GALK1: variants seen among roughly 807,000 people sequenced by gnomAD.
The protein encoded by GALK1 is galactokinase 1.
Under a neutral mutation model 38.6 loss-of-function variants are expected in GALK1, and 30 were observed. The observed-to-expected ratio is 0.78, with a 90% CI of 0.58 to 1.05. The LOEUF (loss-of-function observed/expected upper bound fraction) is 1.05, where lower values mean the gene tolerates loss of function less well. Among genes scored for constraint, GALK1 ranks in the 50% least tolerant of loss-of-function variants. The probability of loss-of-function intolerance (pLI) is 0.00; values close to 1 mark genes in which losing one functional copy is unlikely to be tolerated. For synonymous variants in GALK1, 240 were observed against 233.6 expected, an observed-to-expected ratio of 1.03 and a Z score of -0.25; for missense variants, 512 against 540.5, an observed-to-expected ratio of 0.95 and a Z score of 0.52.
intron 8 of GALK1, chr17:75,752,250 G>T: frequency 6.2e-7 from 1 of 1,613,676 alleles, no homozygotes; most frequent in Non-Finnish European, 8.5e-7. Flanking sequence ...ACCTTCGGGA[G>T]TCCCAGCCCT....
downstream of GALK1, chr17:75,756,592 G>A (rs747577770): frequency 2.7e-5 from 44 of 1,612,606 alleles, no homozygotes; most frequent in East Asian, 6.7e-5. Flanking sequence ...AGGTGCACCC[G>A]CAGAGCCCAC....
In GALK1 at chr17:75,752,434, C is replaced by G. The variant is rs781590331; in HGVS notation, c.*23-697G>C. The stretch of plus-strand genomic sequence containing the variant: ...AGCAGCCAGGGCCCTGGCTCACTCC[C>G]CTGCCCTGCAGTCCCCATCATCCCT... On this transcript the variant is annotated intron_variant, in intron 8 of 8. Transcript: ENST00000225614. The G allele has an allele frequency of 6.8e-6, 11 of 1,613,024 alleles. No individual in the cohort carries two copies. The highest frequency in any genetic ancestry group is 8.5e-6 in the Non-Finnish European group (10 of 1,179,912).
In GALK1 at chr17:75,757,981, G is replaced by A; in HGVS notation, c.*75C>T. 3.3e-6 allele frequency: 5 copies of A among 1,520,934 alleles called. No homozygotes were observed. The South Asian group carries it at 5.7e-5, about 17-fold the overall frequency. 94.2% of individuals were successfully genotyped at this position (1,520,934 alleles called of 1,614,324 possible). A position where few individuals can be genotyped will look rare whatever the true frequency, so the allele number is the denominator to read the frequency against. Reference sequence around the variant, plus strand: ...GTTTATTGAGCACCCGGATATGGAAGATGGCACCGGGCACAGAGCCGTGGG... The same window carrying A: ...GTTTATTGAGCACCCGGATATGGAAAATGGCACCGGGCACAGAGCCGTGGG... On this transcript the variant is annotated 3_prime_UTR_variant, in exon 8 of 8. Transcript: ENST00000588479.
downstream of GALK1, chr17:75,756,622 G>C: frequency 6.2e-7 from 1 of 1,612,748 alleles, no homozygotes; most frequent in Non-Finnish European, 8.5e-7. Context: ...TGCCAGGTGA[G>C]TTGCCTCCCC....
At chr17:75,755,858 A>T (rs769308001), downstream of GALK1, 5 of 1,601,062 alleles carry the variant, frequency 3.1e-6, no homozygotes, top group Non-Finnish European at 4.2e-6. Flanking sequence ...GCGGTGAGGC[A>T]TGGTGGCTGC....
chr17:75,756,429 G>A (rs1217106360), downstream of GALK1: 1 of 1,613,128 alleles, frequency 6.2e-7, no homozygotes, highest in African/African-American at 1.3e-5. Flanking sequence ...ATCCCCCCAG[G>A]TGAGCTGCAT....
At chr17:75,754,145 G>A (rs1323967791), downstream of GALK1, among the ~76,000 whole-genome samples, 1 of 152,234 alleles carries the variant, frequency 6.6e-6, no homozygotes, top group Non-Finnish European at 1.5e-5. Flanking sequence ...CAGGGGACGC[G>A]TGAGGCAGGC....
downstream of GALK1, chr17:75,755,183 G>A (rs771967474): frequency 1.2e-6 from 2 of 1,606,728 alleles, no homozygotes; most frequent in African/African-American, 1.3e-5. Context: ...AATCCTGGCT[G>A]GGAGGCCAGC....
Position 75,758,221 on chromosome 17 carries a change from G to T in GALK1, c.1096C>A (p.Arg366=). Residue 366 remains arginine (R), a synonymous_variant, in exon 7 of 8, where the codon CGG becomes AGG. Coordinates refer to ENST00000588479, the MANE Select transcript of GALK1 (RefSeq NM_000154.2). ...TGGTGCCCGCCCACCTGGATGTGCC[G>T]CATGGCGTGGGGAGCAGCGGAGGCC... ...LEASAAPHAM[R]HIQEHYGGTA... is the part of the protein sequence containing the mutation. 1.9e-6 allele frequency: 3 copies of T among 1,605,052 alleles called. No individual in the cohort carries two copies. Among genetic ancestry groups the T allele is most frequent in the East Asian group, 2.2e-5 (1 of 44,606 alleles).
At chr17:75,753,239 C>A (rs2061408628), downstream of GALK1, among the ~76,000 whole-genome samples, 1 of 152,236 alleles carries the variant, frequency 6.6e-6, no homozygotes, top group South Asian at 2.1e-4. Context: ...CACATACTGG[C>A]CCCCACGGGG....
At chr17:75,757,008 A>C (rs1295330691), downstream of GALK1, 1 of 1,612,058 alleles carries the variant, frequency 6.2e-7, no homozygotes, top group East Asian at 2.2e-5. Flanking sequence ...GCCGGGCCTC[A>C]GCGAGAACGT....
Position 75,765,152 on chromosome 17 carries a change from C to T in GALK1, c.-16G>A, listed in dbSNP as rs1210917595. On this transcript the variant is annotated 5_prime_UTR_variant, in exon 1 of 8. Coordinates refer to ENST00000588479, the MANE Select transcript of GALK1 (RefSeq NM_000154.2). ...AAGCAGCCATGACGCGCGCCTGCAG[C>T]TCTGCACAGCTGCTCCGGCACAGCC... 1 of 1,524,932 alleles carries T rather than the reference C, an allele frequency of 6.6e-7. No homozygotes were observed. The highest frequency in any genetic ancestry group is 8.8e-7 in the Non-Finnish European group (1 of 1,139,596). The allele number at this position is 1,524,932 out of a possible 1,614,324, so 94.5% of individuals were successfully genotyped here.
At position 75,763,054 on chromosome 17, in the gene GALK1, G is replaced by A. The variant is rs1034818496; in HGVS notation, c.571C>T (p.Leu191Phe). ...AGCGCGTGGCCTTTCTGTCCCATAAGTGAGATGAACTGGTCCATGATGCCA... is the reference window on the plus strand; with the variant it reads ...AGCGCGTGGCCTTTCTGTCCCATAAATGAGATGAACTGGTCCATGATGCCA... ...PCGIMDQFISLMGQKGHALLI... is the reference protein window; with the variant it reads ...PCGIMDQFISFMGQKGHALLI... Residue 191 changes from leucine to phenylalanine, a missense_variant, in exon 4 of 8, where the codon CTT (leucine) becomes TTT (phenylalanine). By Grantham distance (22) the Leu-to-Phe change is conservative. Transcript: ENST00000588479. 7 of 1,612,954 alleles carry A rather than the reference G, an allele frequency of 4.3e-6. No individual in the cohort carries two copies. In the African/African-American group the frequency reaches 8.0e-5, roughly 18 times the overall value.
At chr17:75,756,306 C>T (rs766548967), downstream of GALK1, 1 of 1,080,306 alleles carries the variant, frequency 9.3e-7, no homozygotes, top group Non-Finnish European at 1.4e-6. Context: ...AACCTGTACC[C>T]AAACCACAGC....
rs553936394 is a variant in GALK1, at chr17:75,764,209, A to G, written c.166-123T>C. ...CATCAGGTTCTGAACCTCCAGGTTC[A>G]GCGTCGCAGGGAAGATCCTGAGGGC... is the stretch of plus-strand genomic sequence containing the variant. On this transcript the variant is annotated intron_variant, in intron 1 of 7. Coordinates refer to ENST00000588479, the MANE Select transcript of GALK1 (RefSeq NM_000154.2). 2.3e-5 allele frequency: 22 copies of G among 976,402 alleles called. No homozygotes were observed. In the African/African-American group the frequency reaches 3.3e-4, roughly 15 times the overall value. 60.5% of individuals were successfully genotyped at this position (976,402 alleles called of 1,614,324 possible).
rs146095595 is a variant in GALK1 at position 75,762,732 on chromosome 17, G to A, written c.765C>T (p.Leu255=). The change falls in exon 5 of 8, where the codon CTC becomes CTT. Residue 255 remains leucine (L), a synonymous_variant. Coordinates refer to ENST00000588479, the MANE Select transcript of GALK1 (RefSeq NM_000154.2). ...EVARALGKES[L]REVQLEELEA... ...CTAGCTCTTCCAGTTGTACCTCCCGGAGGCTTTCCTTGCCCAGCGCCCGGG... is the reference window on the plus strand; with the variant it reads ...CTAGCTCTTCCAGTTGTACCTCCCGAAGGCTTTCCTTGCCCAGCGCCCGGG... 6.2e-6 allele frequency: 10 copies of A among 1,613,734 alleles called. No homozygotes were observed. The African/African-American group carries it at 9.3e-5, about 15-fold the overall frequency.
At chr17:75,756,841 G>C, downstream of GALK1, 1 of 1,612,414 alleles carries the variant, frequency 6.2e-7, no homozygotes, top group African/African-American at 1.3e-5. Context: ...GGTGACCTGT[G>C]AGATGGCCCA....
At chr17:75,754,514 C>T (rs1010565124), downstream of GALK1, 1 of 1,608,660 alleles carries the variant, frequency 6.2e-7, no homozygotes, top group Non-Finnish European at 8.5e-7. Flanking sequence ...AGGGCCCAGC[C>T]TGCCCCACGG....
chr17:75,752,174 G>A, intron 8 of GALK1: 2 of 1,613,956 alleles, frequency 1.2e-6, no homozygotes, highest in South Asian at 1.1e-5. Flanking sequence ...TCTGCCCCAG[G>A]ACCTATTGGG....
Sources: allele counts gnomAD v4.1 joint callset (sites outside exome capture counted in the v4.1 genomes callset), GRCh38; gene constraint gnomAD v4.1.1; transcripts MANE v1.5; gene names NCBI Gene and HGNC (gene_info 2026-07-23, HGNC 2026-07-21).